TRDMT1: variants seen among roughly 807,000 people sequenced by gnomAD.
The protein encoded by TRDMT1 is tRNA aspartic acid methyltransferase 1.
Under a neutral mutation model 51.2 loss-of-function variants are expected in TRDMT1, and 49 were observed. The observed-to-expected ratio is 0.96, with a 90% CI of 0.76 to 1.21. The LOEUF (loss-of-function observed/expected upper bound fraction) is 1.21. TRDMT1 is among the 50% of genes most tolerant of loss of function. The pLI is 0.00. For missense variants in TRDMT1, 534 were observed against 462.3 expected, an observed-to-expected ratio of 1.16 and a Z score of -1.42; for synonymous variants, 187 against 164.6, an observed-to-expected ratio of 1.14 and a Z score of -1.04.
rs1044465488 is a variant in TRDMT1 at position 17,157,917 on chromosome 10, G to A, written c.544-133C>T. 3.8e-5 allele frequency: 25 copies of A among 665,494 alleles called. No individual in the cohort carries two copies. The African/African-American group carries it at 4.4e-4, about 12-fold the overall frequency. The allele number at this position is 665,494 out of a possible 1,614,324, so 41.2% of individuals were successfully genotyped here. On this transcript the variant is annotated intron_variant, in intron 7 of 10. Transcript: ENST00000377799. ...GTTGCCATTAAAAGATAGAAATTGT[G>A]GTTTACTTGTATTTGTACAAGTTAT...
chr10:17,147,441 A>C lies in TRDMT1; in HGVS notation c.*1599T>G, dbSNP rs969169103. 14 of 775,708 alleles carry C rather than the reference A, an allele frequency of 1.8e-5. No homozygotes were observed. The African/African-American group carries it at 2.3e-4, about 13-fold the overall frequency. 48.1% of individuals were successfully genotyped at this position (775,708 alleles called of 1,614,324 possible). On this transcript the variant is annotated 3_prime_UTR_variant, in exon 11 of 11. Coordinates refer to ENST00000377799, the MANE Select transcript of TRDMT1 (RefSeq NM_004412.7). ...TATCATTTTAACTATTTTTAAATATACAGTTGCAGTGGCATTAAGTACACT... is the reference window on the plus strand; with the variant it reads ...TATCATTTTAACTATTTTTAAATATCCAGTTGCAGTGGCATTAAGTACACT...
rs1198958642 is a variant in TRDMT1 at position 17,161,472 on chromosome 10, C to A, written c.389+11G>T. On this transcript the variant is annotated intron_variant, in intron 5 of 10. Coordinates refer to ENST00000377799, the MANE Select transcript of TRDMT1 (RefSeq NM_004412.7). ...GTCTAAGATGTATGCAAGACAAATA[C>A]ATTTTTTTACCTTGTAGAAGATACT... 3.7e-6 allele frequency: 5 copies of A among 1,364,274 alleles called. No individual in the cohort carries two copies. The African/African-American group carries it at 5.9e-5, about 16-fold the overall frequency. The allele number at this position is 1,364,274 out of a possible 1,614,324, so 84.5% of individuals were successfully genotyped here. A position where few individuals can be genotyped will look rare whatever the true frequency, so the allele number is the denominator to read the frequency against.
At chr10:17,191,583 G>A (rs1296314205) in intron 1 of TRDMT1, among the ~76,000 whole-genome samples, 1 of 152,208 alleles carries the variant, frequency 6.6e-6, no homozygotes, top group East Asian at 1.9e-4. Context: ...GGTAGAGCCA[G>A]GCTGGATGGG....
intron 2 of TRDMT1, among the ~76,000 whole-genome samples, chr10:17,171,111 ATGTGTG>A (rs66891484): frequency 4.2e-5 from 6 of 142,824 alleles, no homozygotes; most frequent in Non-Finnish European, 9.2e-5. Flanking sequence ...CTGGATTTAG[ATGTGTG>A]TGTGTGTGTG....
chr10:17,179,980 A>T (rs1439002121), intron 1 of TRDMT1, among the ~76,000 whole-genome samples: 1 of 152,162 alleles, frequency 6.6e-6, no homozygotes, highest in East Asian at 1.9e-4. Flanking sequence ...CCCACTAAGC[A>T]ATCCCTAAAG....
At chr10:17,150,615 A>C (rs1360938605) in intron 10 of TRDMT1, 2 of 985,194 alleles carry the variant, frequency 2.0e-6, no homozygotes, top group African/African-American at 1.7e-5. Context: ...AAATAAAGGA[A>C]AAATAAGTTA....
rs1211769800 is a variant in TRDMT1 at position 17,155,221 on chromosome 10, T to A, written c.888-487A>T. ...AGAGTGAGACTCCATCTCAAAAAAA[T>A]GATAATAAATAATAAATGTCTCAGA... On this transcript the variant is annotated intron_variant, in intron 8 of 10. Coordinates refer to ENST00000377799, the MANE Select transcript of TRDMT1 (RefSeq NM_004412.7). Among the ~76,000 whole-genome samples, 3 of 113,276 alleles carry A rather than the reference T, an allele frequency of 2.6e-5. No individual in the cohort carries two copies. The South Asian group carries it at 7.8e-4, about 29-fold the overall frequency. The allele number at this position is 113,276 out of a possible 152,430, so 74.3% of individuals were successfully genotyped here.
intron 1 of TRDMT1, among the ~76,000 whole-genome samples, chr10:17,186,090 T>TAC (rs529154623): frequency 1.9e-5 from 2 of 106,906 alleles, no homozygotes; most frequent in Non-Finnish European, 4.6e-5. Context: ...TAAATAAATA[T>TAC]GGTCAATGCA....
chr10:17,173,579 C>T (rs1178134530), intron 2 of TRDMT1, among the ~76,000 whole-genome samples: 2 of 152,028 alleles, frequency 1.3e-5, no homozygotes, highest in African/African-American at 2.4e-5. Flanking sequence ...AACAATTTAG[C>T]ATGATGGAAG....
intron 1 of TRDMT1, among the ~76,000 whole-genome samples, chr10:17,192,140 G>C (rs1844769418): frequency 6.6e-6 from 1 of 152,172 alleles, no homozygotes; most frequent in African/African-American, 2.4e-5. Context: ...TGAAAATGGA[G>C]AGAAATGATA....
rs1448666394 is a variant in TRDMT1, at chr10:17,182,162, A to G, written c.65-7502T>C. Among the ~76,000 whole-genome samples the G allele has an allele frequency of 6.6e-5, 10 of 152,328 alleles. No homozygotes were observed. In the South Asian group the frequency reaches 1.5e-3, roughly 22 times the overall value. On this transcript the variant is annotated intron_variant, in intron 1 of 10. Transcript: ENST00000377799. ...TTACCACGTTAAACCTTGGATGGAG[A>G]TAAGTTCAGAGGCTACTACAGGCAT...
rs141851283 is a variant in TRDMT1 at position 17,150,447 on chromosome 10, A to G, written c.1076-1307T>C. The G allele has an allele frequency of 5.2e-5, 51 of 985,312 alleles. No individual in the cohort carries two copies. In the East Asian group the frequency reaches 5.4e-3, roughly 105 times the overall value. The allele number at this position is 985,312 out of a possible 1,614,324, so 61.0% of individuals were successfully genotyped here. ...CTCATATTGGACTTCCATTTGCTAC[A>G]TTCCTTTCTTAAAACAAAAAGGCCC... On this transcript the variant is annotated intron_variant, in intron 10 of 10. Transcript: ENST00000377799.
Position 17,146,137 on chromosome 10 carries a change from G to A in TRDMT1, c.*2903C>T, listed in dbSNP as rs1838085393. ...CTCTACTAAATAACTTTACCTCTTT[G>A]AAAAGTTGGATAATTTCAAGCAACA... On this transcript the variant is annotated 3_prime_UTR_variant, in exon 11 of 11. Transcript: ENST00000377799. The A allele has an allele frequency of 6.1e-6, 6 of 985,294 alleles. No individual in the cohort carries two copies. Among genetic ancestry groups the A allele is most frequent in the Non-Finnish European group, 7.2e-6 (6 of 829,930 alleles). The allele number at this position is 985,294 out of a possible 1,614,324, so 61.0% of individuals were successfully genotyped here. A position where few individuals can be genotyped will look rare whatever the true frequency, so the allele number is the denominator to read the frequency against.
chr10:17,190,111 A>G (rs1844487552), intron 1 of TRDMT1, among the ~76,000 whole-genome samples: 1 of 152,190 alleles, frequency 6.6e-6, no homozygotes, highest in Non-Finnish European at 1.5e-5. Flanking sequence ...AAGTAACGGT[A>G]ATTTTTAAAA....
Position 17,192,284 on chromosome 10 carries a change from G to C in TRDMT1, c.64+9287C>G, listed in dbSNP as rs111308712. Among the ~76,000 whole-genome samples, 506 of 152,252 alleles carry C rather than the reference G, an allele frequency of 3.3e-3. 7 individuals carry two copies. The highest frequency in any genetic ancestry group is 0.017 in the Middle Eastern group (5 of 294). On this transcript the variant is annotated intron_variant, in intron 1 of 10. Transcript: ENST00000377799. ...AGCCACCTGTTATTGGGGTGAGGCA[G>C]GTTACAAGAGTGGCAAGTTTTGGAA...
At chr10:17,173,307 A>C (rs1842259410) in intron 2 of TRDMT1, among the ~76,000 whole-genome samples, 2 of 152,232 alleles carry the variant, frequency 1.3e-5, no homozygotes, top group South Asian at 4.1e-4. Flanking sequence ...ATGTGAATAC[A>C]TACACATATT....
intron 1 of TRDMT1, among the ~76,000 whole-genome samples, chr10:17,191,604 C>G (rs1844692931): frequency 6.6e-6 from 1 of 152,132 alleles, no homozygotes; most frequent in African/African-American, 2.4e-5. Context: ...ATGACCACAC[C>G]TCAGAGCTGT....
chr10:17,144,017 G>C lies in TRDMT1; in HGVS notation c.*5023C>G. On this transcript the variant is annotated 3_prime_UTR_variant, in exon 11 of 11. Coordinates refer to ENST00000377799, the MANE Select transcript of TRDMT1 (RefSeq NM_004412.7). ...GACTTAGGAAAACAGCAGATTTAGA[G>C]TCATCTGGGTGTCATCGGCAAAATG... The C allele has an allele frequency of 1.0e-6, 1 of 985,440 alleles. No homozygotes were observed. The highest frequency in any genetic ancestry group is 1.2e-6 in the Non-Finnish European group (1 of 829,934). 61.0% of individuals were successfully genotyped at this position (985,440 alleles called of 1,614,324 possible).
At chr10:17,201,461 GC>G in intron 1 of TRDMT1, 109 bp downstream of exon 1, 1 of 1,220,766 alleles carries the variant, frequency 8.2e-7, no homozygotes. Context: ...CACAGTGTCC[GC>G]CCCACAGTGT....
Sources: gnomAD v4.1 joint callset for allele counts (sites outside exome capture counted in the v4.1 genomes callset) on GRCh38, gnomAD v4.1.1 for gene constraint, MANE v1.5 for transcripts, NCBI Gene and HGNC (gene_info 2026-07-23, HGNC 2026-07-21) for gene names.